The following ZZEF1 variants were observed in gnomAD, a reference collection of about 807,000 sequenced individuals.
ZZEF1 encodes the protein zinc finger ZZ-type and EF-hand domain-containing protein 1.
A neutral mutation model predicts 342.8 loss-of-function variants in ZZEF1; 157 were observed. That is an observed-to-expected ratio of 0.46 (90% CI 0.40 to 0.52). The LOEUF is 0.52. ZZEF1 is among the 20% of genes least tolerant of loss of function. The probability of loss-of-function intolerance (pLI) is 0.00; values close to 1 mark genes in which losing one functional copy is unlikely to be tolerated. For synonymous variants in ZZEF1, 1,505 were observed against 1,429.1 expected, an observed-to-expected ratio of 1.05 and a Z score of -1.20; for missense variants, 3,480 against 3,725.6, an observed-to-expected ratio of 0.93 and a Z score of 1.72.
chr17:4,125,749 A>G (rs1455211105), intron 1 of ZZEF1, among the ~76,000 whole-genome samples: 1 of 152,232 alleles, frequency 6.6e-6, no homozygotes, highest in Non-Finnish European at 1.5e-5. Context: ...GACAGAAAGA[A>G]GACTAGAAAC....
At position 4,058,704 on chromosome 17, in the gene ZZEF1, G is replaced by A. The variant is rs1047452426; in HGVS notation, c.5003+467C>T. 1.1e-4 allele frequency among the ~76,000 whole-genome samples: 16 copies of A among 152,076 alleles called. 1 individual carries two copies. Among genetic ancestry groups the A allele is most frequent in the Admixed American group, 7.9e-4 (12 of 15,270 alleles). ...AGCCTGAGCAACATGGCAAAATCCC[G>A]TTTCTACAAAACATAAAGAAAATTA... On this transcript the variant is annotated intron_variant, in intron 31 of 54. Transcript: ENST00000381638.
At chr17:4,031,563 C>T (rs528934054) in intron 42 of ZZEF1, among the ~76,000 whole-genome samples, 37 of 152,166 alleles carry the variant, frequency 2.4e-4, no homozygotes, top group Middle Eastern at 3.4e-3. Context: ...TTTACATACA[C>T]GAAAACAGCA....
intron 2 of ZZEF1, among the ~76,000 whole-genome samples, chr17:4,121,108 T>G (rs1403111478): frequency 2.0e-5 from 3 of 152,218 alleles, no homozygotes; most frequent in Non-Finnish European, 2.9e-5. Flanking sequence ...GTAAGTGCCT[T>G]GAGATTTGGA....
At position 4,034,304 on chromosome 17, in the gene ZZEF1, G is replaced by A. The variant is rs777773309; in HGVS notation, c.6307-12C>T. The A allele has an allele frequency of 6.2e-7, 1 of 1,613,556 alleles. No individual in the cohort carries two copies. Among genetic ancestry groups the A allele is most frequent in the South Asian group, 1.1e-5 (1 of 91,048 alleles). On this transcript the variant is annotated splice_polypyrimidine_tract_variant and intron_variant, in intron 39 of 54. Coordinates refer to ENST00000381638, the MANE Select transcript of ZZEF1 (RefSeq NM_015113.4). ...GGAACCGTGGGGCCCTGCCAAGAGA[G>A]GGAGAGAAATCTGTTCAGTACAAAA...
intron 9 of ZZEF1, among the ~76,000 whole-genome samples, chr17:4,098,656 T>C (rs544084439): frequency 6.6e-6 from 1 of 152,342 alleles, no homozygotes; most frequent in South Asian, 2.1e-4. Context: ...TTAACAATTC[T>C]GCCTATCAAA....
intron 1 of ZZEF1, among the ~76,000 whole-genome samples, chr17:4,137,414 T>G (rs886454745): frequency 4.6e-5 from 7 of 152,034 alleles, no homozygotes; most frequent in Non-Finnish European, 8.8e-5. Flanking sequence ...ATCGAGACCA[T>G]CCTGGCTAAC....
chr17:4,048,207 C>T lies in ZZEF1; in HGVS notation c.6015+1501G>A, dbSNP rs140564282. On this transcript the variant is annotated intron_variant, in intron 37 of 54. Transcript: ENST00000381638. ...TAATCCGTGGGTGGTTAAAGTGCCGCCTACAGAAGACGTTTCATGGAAAAA... is the reference window on the plus strand; with the variant it reads ...TAATCCGTGGGTGGTTAAAGTGCCGTCTACAGAAGACGTTTCATGGAAAAA... Among the ~76,000 whole-genome samples the T allele has an allele frequency of 1.3e-4, 20 of 152,254 alleles. No homozygotes were observed. In the East Asian group the frequency reaches 2.3e-3, roughly 18 times the overall value.
At chr17:4,037,156 CTAAA>C (rs1183002511) in intron 39 of ZZEF1, among the ~76,000 whole-genome samples, 1 of 152,062 alleles carries the variant, frequency 6.6e-6, no homozygotes, top group Non-Finnish European at 1.5e-5. Context: ...ATATAACTAA[CTAAA>C]TAAATAAATT....
intron 53 of ZZEF1, 162 bp from the exon 54 acceptor site, chr17:4,009,116 C>T (rs1446466824): frequency 7.9e-6 from 7 of 891,048 alleles, no homozygotes; most frequent in East Asian, 2.7e-5. Flanking sequence ...AGAACCCTGG[C>T]GGGAGCCAGG....
intron 44 of ZZEF1, 170 bp downstream of exon 44, chr17:4,022,539 G>C (rs1167062905): frequency 3.6e-6 from 3 of 826,778 alleles, no homozygotes; most frequent in East Asian, 2.5e-5. Context: ...GGGTAGACAG[G>C]TGTCATAATC....
intron 40 of ZZEF1, 150 bp from the exon 41 acceptor site, chr17:4,033,152 T>C (rs1406142834): frequency 9.5e-6 from 7 of 734,438 alleles, no homozygotes; most frequent in South Asian, 2.4e-5. Context: ...TTTCGTATAA[T>C]GGTGAGTAAA....
At position 4,051,062 on chromosome 17, in the gene ZZEF1, TTTA is replaced by T; in HGVS notation, c.5601-22_5601-20del. 1 of 1,613,984 alleles carries T rather than the reference TTTA, an allele frequency of 6.2e-7. No individual in the cohort carries two copies. The highest frequency in any genetic ancestry group is 8.5e-7 in the Non-Finnish European group (1 of 1,180,028). On this transcript the variant is annotated intron_variant, in intron 35 of 54. Transcript: ENST00000381638. ...CAAATGGCTGCAAAGGCAAGACACATTTAAAGCTTACAACCCTCCAAAAGCTTT... is the reference window on the plus strand; with the variant it reads ...CAAATGGCTGCAAAGGCAAGACACATAAGCTTACAACCCTCCAAAAGCTTT...
intron 18 of ZZEF1, 96 bp from the exon 19 acceptor site, chr17:4,078,138 A>T (rs2057658632): frequency 7.8e-7 from 1 of 1,288,122 alleles, no homozygotes; most frequent in African/African-American, 1.5e-5. Flanking sequence ...TCACCAGCAA[A>T]AACAAACTAT....
At chr17:4,015,946 C>T (rs968878479) in intron 49 of ZZEF1, among the ~76,000 whole-genome samples, 1 of 152,150 alleles carries the variant, frequency 6.6e-6, no homozygotes, top group African/African-American at 2.4e-5. Context: ...ACGGTGGGGG[C>T]AGGTCATGAG....
intron 11 of ZZEF1, among the ~76,000 whole-genome samples, chr17:4,095,146 A>G (rs935951213): frequency 6.6e-6 from 1 of 152,082 alleles, no homozygotes; most frequent in Admixed American, 6.6e-5. Flanking sequence ...CGTTCCTTCA[A>G]TGTGCCATGC....
rs568714246 is a variant in ZZEF1 at position 4,062,109 on chromosome 17, T to TC, written c.4883+643dup. 2.2e-4 allele frequency among the ~76,000 whole-genome samples: 34 copies of TC among 151,912 alleles called. 1 individual carries two copies. In the East Asian group the frequency reaches 4.3e-3, roughly 19 times the overall value. On this transcript the variant is annotated intron_variant, in intron 30 of 54. Transcript: ENST00000381638. ...TTTTCGCTCTGTTCCTTGGACTAACTCCCCCCCTGGAGCCTCTGCACTGTT... is the reference window on the plus strand; with the variant it reads ...TTTTCGCTCTGTTCCTTGGACTAACTCCCCCCCCTGGAGCCTCTGCACTGTT...
intron 1 of ZZEF1, among the ~76,000 whole-genome samples, chr17:4,129,527 A>G (rs759024442): frequency 2.9e-4 from 44 of 152,256 alleles, no homozygotes; most frequent in Non-Finnish European, 5.3e-4. Context: ...TAGTCCTTCA[A>G]CATAAATAAG....
At chr17:4,069,954 G>A (rs1417679486) in intron 26 of ZZEF1, among the ~76,000 whole-genome samples, 1 of 152,256 alleles carries the variant, frequency 6.6e-6, no homozygotes, top group Non-Finnish European at 1.5e-5. Context: ...CAGGCGGTTA[G>A]GAAGCCCATG....
At position 4,017,144 on chromosome 17, in the gene ZZEF1, G is replaced by T. The variant is rs1285271010; in HGVS notation, c.8001+227C>A. 1 of 563,336 alleles carries T rather than the reference G, an allele frequency of 1.8e-6. No homozygotes were observed. Among genetic ancestry groups the T allele is most frequent in the Non-Finnish European group, 3.0e-6 (1 of 332,068 alleles). The allele number at this position is 563,336 out of a possible 1,614,324, so 34.9% of individuals were successfully genotyped here. A position where few individuals can be genotyped will look rare whatever the true frequency, so the allele number is the denominator to read the frequency against. On this transcript the variant is annotated intron_variant, in intron 48 of 54. Coordinates refer to ENST00000381638, the MANE Select transcript of ZZEF1 (RefSeq NM_015113.4). This position sits in a 1 kb window ranked among gnomAD's most constrained non-coding sequence, Gnocchi z 5.1. ...TGCACTTGGAAACTGGGAAGATGGC[G>T]ACAAAGCTTTCTGGTTCAGCTGGAA...
Sources: allele counts gnomAD v4.1 joint callset (sites outside exome capture counted in the v4.1 genomes callset), GRCh38; gene constraint gnomAD v4.1.1; non-coding constraint Gnocchi (gnomAD v3.1); transcripts MANE v1.5; gene names NCBI Gene and HGNC (gene_info 2026-07-23, HGNC 2026-07-21).